The following SNX29 variants were observed in gnomAD, a reference collection of about 807,000 sequenced individuals.
SNX29 encodes sorting nexin-29.
SNX29 carries 78 observed loss-of-function variants against 102.1 expected under a neutral mutation model. The observed-to-expected ratio is 0.76, with a 90% CI of 0.64 to 0.92. The LOEUF is 0.92. Among genes scored for constraint, SNX29 ranks in the 40% least tolerant of loss-of-function variants. SNX29 has a pLI of 0.00. For synonymous variants in SNX29, 580 were observed against 414.5 expected (o/e 1.40, Z -4.85); for missense variants, 1,280 against 1,061.7 (o/e 1.21, Z -2.86).
intron 11 of SNX29, among the ~76,000 whole-genome samples, chr16:12,118,615 C>T (rs1596958514): frequency 1.3e-5 from 2 of 152,138 alleles, no homozygotes; most frequent in Middle Eastern, 3.4e-3. Flanking sequence ...CGTGCCCGCC[C>T]TAGAGACCAC....
intron 10 of SNX29, among the ~76,000 whole-genome samples, chr16:12,074,422 C>T (rs987225909): frequency 1.2e-4 from 18 of 151,944 alleles, no homozygotes; most frequent in Admixed American, 9.8e-4. Flanking sequence ...TTCTCCTTCA[C>T]TTATGAAGCT....
chr16:12,466,125 G>A (rs979227236), intron 18 of SNX29, among the ~76,000 whole-genome samples: 1 of 152,154 alleles, frequency 6.6e-6, no homozygotes, highest in African/African-American at 2.4e-5. Flanking sequence ...GTTCAATATA[G>A]TACTGGAAGT....
chr16:12,264,072 G>A (rs752434827), intron 14 of SNX29, among the ~76,000 whole-genome samples: 2 of 152,334 alleles, frequency 1.3e-5, no homozygotes, highest in South Asian at 2.1e-4. Flanking sequence ...TACGAGAAAG[G>A]TGTGATTATT....
At chr16:12,548,276 C>G (rs981752388) in intron 20 of SNX29, among the ~76,000 whole-genome samples, 1 of 152,208 alleles carries the variant, frequency 6.6e-6, no homozygotes, top group African/African-American at 2.4e-5. Context: ...GTGGACCTGA[C>G]TGGGAAGGCT....
At chr16:12,163,526 G>A (rs2055883139) in intron 13 of SNX29, among the ~76,000 whole-genome samples, 1 of 152,170 alleles carries the variant, frequency 6.6e-6, no homozygotes, top group Admixed American at 6.5e-5. Context: ...CAGCACTGAG[G>A]ATGCAGCACC....
At chr16:12,344,681 T>C (rs369505491) in intron 15 of SNX29, among the ~76,000 whole-genome samples, 2 of 152,160 alleles carry the variant, frequency 1.3e-5, no homozygotes, top group East Asian at 1.9e-4. Context: ...GCTCAGTAAA[T>C]GTTTGCTCTT....
At chr16:12,553,600 A>ACCCCCCC (rs374040469) in intron 20 of SNX29, among the ~76,000 whole-genome samples, 1 of 103,824 alleles carries the variant, frequency 9.6e-6, no homozygotes, top group Admixed American at 1.3e-4. Context: ...CCCACCCCCC[A>ACCCCCCC]CCCCTGCAAG....
intron 13 of SNX29, among the ~76,000 whole-genome samples, chr16:12,159,315 A>G (rs1230214785): frequency 6.6e-6 from 1 of 152,196 alleles, no homozygotes; most frequent in Non-Finnish European, 1.5e-5. Flanking sequence ...ATGGCTCAGC[A>G]CACTGTATGT....
chr16:12,479,245 T>C (rs2087796969), intron 19 of SNX29, among the ~76,000 whole-genome samples: 2 of 152,326 alleles, frequency 1.3e-5, no homozygotes, highest in South Asian at 2.1e-4. Flanking sequence ...GACAAAGCCA[T>C]GTGGCAGATG....
chr16:12,568,366 C>T, intron 20 of SNX29, 140 bp from the exon 21 acceptor site: 1 of 1,131,604 alleles, frequency 8.8e-7, no homozygotes, highest in Non-Finnish European at 1.2e-6. Context: ...TCAGGTGGCA[C>T]CAGTTAGAGG....
chr16:12,026,267 A>G (rs2151113649), intron 3 of SNX29, among the ~76,000 whole-genome samples: 1 of 152,276 alleles, frequency 6.6e-6, no homozygotes, highest in Non-Finnish European at 1.5e-5. Context: ...GCCACCTGCC[A>G]TCTCATCCTG....
chr16:12,561,835 C>G (rs1020979600), intron 20 of SNX29, among the ~76,000 whole-genome samples: 1 of 152,186 alleles, frequency 6.6e-6, no homozygotes, highest in Non-Finnish European at 1.5e-5. Context: ...CTTCTCCCTG[C>G]AGGGGAGGGG....
chr16:12,540,713 C>G (rs2077294861), intron 20 of SNX29, among the ~76,000 whole-genome samples: 1 of 152,154 alleles, frequency 6.6e-6, no homozygotes, highest in African/African-American at 2.4e-5. Flanking sequence ...TGAAGACGCT[C>G]CAGGGATGAA....
intron 18 of SNX29, among the ~76,000 whole-genome samples, chr16:12,427,858 A>T (rs927460194): frequency 6.6e-6 from 1 of 152,196 alleles, no homozygotes; most frequent in Non-Finnish European, 1.5e-5. Flanking sequence ...GAAAGGAGAA[A>T]CCTTCTGAGG....
intron 15 of SNX29, among the ~76,000 whole-genome samples, chr16:12,336,614 T>C (rs539027073): frequency 6.6e-6 from 1 of 152,374 alleles, no homozygotes; most frequent in Non-Finnish European, 1.5e-5. Flanking sequence ...ACAAGTCACC[T>C]GTCCTTCCAT....
At chr16:12,221,057 C>T (rs1289329491) in intron 14 of SNX29, among the ~76,000 whole-genome samples, 4 of 152,060 alleles carry the variant, frequency 2.6e-5, no homozygotes, top group Admixed American at 1.3e-4. Context: ...TTAATTTTAG[C>T]GCCCTGAATT....
chr16:12,314,365 C>T (rs1166885142), intron 15 of SNX29, among the ~76,000 whole-genome samples: 1 of 152,204 alleles, frequency 6.6e-6, no homozygotes, highest in African/African-American at 2.4e-5. Context: ...TAGTTTATAC[C>T]TGAAAGAGAA....
chr16:12,161,631 G>A (rs1178440557), intron 13 of SNX29, among the ~76,000 whole-genome samples: 2 of 152,186 alleles, frequency 1.3e-5, no homozygotes, highest in African/African-American at 4.8e-5. Context: ...CTGATGGGAA[G>A]TATTGGGTCA....
chr16:12,157,403 G>A (rs2055597679), intron 13 of SNX29, among the ~76,000 whole-genome samples: 2 of 152,130 alleles, frequency 1.3e-5, no homozygotes, highest in Admixed American at 1.3e-4. Context: ...GTGAGCCGAG[G>A]GCAGGGGACG....
Sources: allele counts gnomAD v4.1 joint callset (sites outside exome capture counted in the v4.1 genomes callset), GRCh38; gene constraint gnomAD v4.1.1; transcripts MANE v1.5; gene names NCBI Gene and HGNC (gene_info 2026-07-23, HGNC 2026-07-21).